The following WNT3 variants were observed in gnomAD, a reference collection of about 807,000 sequenced individuals.
WNT3 encodes the protein proto-oncogene Wnt-3.
A neutral mutation model predicts 34.2 loss-of-function variants in WNT3; 7 were observed. That is an observed-to-expected ratio of 0.20 (90% CI 0.12 to 0.38). The LOEUF (loss-of-function observed/expected upper bound fraction) is 0.38. Ranked by LOEUF, WNT3 falls within the 10% of genes least tolerant of loss-of-function variation. The pLI, the probability that WNT3 is intolerant of heterozygous loss-of-function variation, is 1.00. For missense variants in WNT3, 267 were observed against 499.8 expected, an observed-to-expected ratio of 0.53 and a Z score of 4.44; for synonymous variants, 212 against 211.5, an observed-to-expected ratio of 1.00 and a Z score of -0.02.
chr17:46,801,347 C>T (rs551690963), intron 1 of WNT3, among the ~76,000 whole-genome samples: 2 of 152,272 alleles, frequency 1.3e-5, no homozygotes, highest in African/African-American at 2.4e-5. Flanking sequence ...TGGCCGGGCA[C>T]GGTGGCTCAC....
At chr17:46,770,890 G>A (rs1346860503) in intron 2 of WNT3, among the ~76,000 whole-genome samples, 3 of 152,242 alleles carry the variant, frequency 2.0e-5, no homozygotes, top group African/African-American at 7.2e-5. Context: ...GATTAGGGAG[G>A]CCAAGGCCTG....
intron 4 of WNT3, among the ~76,000 whole-genome samples, chr17:46,766,403 T>C (rs914804012): frequency 2.0e-5 from 3 of 148,378 alleles, no homozygotes; most frequent in Admixed American, 2.0e-4. Context: ...AGAGACTCAG[T>C]CTCAAAAAAA....
intron 3 of WNT3, among the ~76,000 whole-genome samples, chr17:46,769,370 T>A (rs1188385296): frequency 6.6e-6 from 1 of 150,814 alleles, no homozygotes; most frequent in Non-Finnish European, 1.5e-5. Context: ...GTTATCTCCA[T>A]TTAACACATG....
At chr17:46,806,834 T>G (rs2084204097) in intron 1 of WNT3, among the ~76,000 whole-genome samples, 1 of 152,240 alleles carries the variant, frequency 6.6e-6, no homozygotes, top group East Asian at 1.9e-4. Context: ...CGCTCCCCTC[T>G]GCTCCTCCTT....
At chr17:46,769,738 G>C (rs2059346868) in intron 3 of WNT3, 45 bp downstream of exon 3, 4 of 1,601,132 alleles carry the variant, frequency 2.5e-6, no homozygotes, top group South Asian at 1.1e-5. Context: ...GAGGGGAAGC[G>C]GGGGGCTGCT....
intron 1 of WNT3, among the ~76,000 whole-genome samples, chr17:46,817,288 C>T (rs1006060873): frequency 1.3e-5 from 2 of 152,224 alleles, no homozygotes; most frequent in Non-Finnish European, 2.9e-5. Flanking sequence ...GGTACCGCAC[C>T]GTGGTGGCAC....
chr17:46,815,860 A>C (rs1300029975), intron 1 of WNT3, among the ~76,000 whole-genome samples: 1 of 151,772 alleles, frequency 6.6e-6, no homozygotes, highest in African/African-American at 2.4e-5. Context: ...CCCACCAAAC[A>C]CCCAAGCTCA....
At chr17:46,802,432 A>AT (rs1302964154) in intron 1 of WNT3, among the ~76,000 whole-genome samples, 10 of 151,962 alleles carry the variant, frequency 6.6e-5, no homozygotes, top group Non-Finnish European at 1.0e-4. Flanking sequence ...TGCTCGGCTA[A>AT]TTTTTTTGTA....
intron 1 of WNT3, among the ~76,000 whole-genome samples, chr17:46,780,708 C>T (rs1362929078): frequency 6.6e-6 from 1 of 151,938 alleles, no homozygotes; most frequent in African/African-American, 2.4e-5. Context: ...ACCTGGGAGG[C>T]AGAGCTTGCA....
At chr17:46,789,098 G>A (rs2083945303) in intron 1 of WNT3, among the ~76,000 whole-genome samples, 1 of 152,176 alleles carries the variant, frequency 6.6e-6, no homozygotes, top group African/African-American at 2.4e-5. Flanking sequence ...CCTTATGCTG[G>A]ACGCCGGGAG....
intron 1 of WNT3, among the ~76,000 whole-genome samples, chr17:46,806,524 C>T (rs2084199795): frequency 6.6e-6 from 1 of 152,072 alleles, no homozygotes; most frequent in South Asian, 2.1e-4. Flanking sequence ...TCAGTTTTCT[C>T]ACAGGTAACA....
At chr17:46,803,103 T>C (rs1049980587) in intron 1 of WNT3, among the ~76,000 whole-genome samples, 1 of 152,224 alleles carries the variant, frequency 6.6e-6, no homozygotes, top group African/African-American at 2.4e-5. Flanking sequence ...TAGAGGACGC[T>C]GGCTGATGTC....
chr17:46,811,926 C>T (rs956170457), intron 1 of WNT3, among the ~76,000 whole-genome samples: 2 of 152,152 alleles, frequency 1.3e-5, no homozygotes, highest in Non-Finnish European at 2.9e-5. Context: ...CACTGCACTC[C>T]AGCCTGGGCG....
chr17:46,805,157 G>A (rs2084178365), intron 1 of WNT3, among the ~76,000 whole-genome samples: 1 of 152,012 alleles, frequency 6.6e-6, no homozygotes, highest in Admixed American at 6.6e-5. Flanking sequence ...ACGAACCCTG[G>A]TCCTCAAGTG....
At chr17:46,780,612 TA>T (rs1362152735) in intron 1 of WNT3, among the ~76,000 whole-genome samples, 1 of 151,886 alleles carries the variant, frequency 6.6e-6, no homozygotes, top group Non-Finnish European at 1.5e-5. Flanking sequence ...CCGTCTCTAC[TA>T]AAAATACAAA....
intron 1 of WNT3, among the ~76,000 whole-genome samples, chr17:46,816,251 C>T (rs2084344645): frequency 6.6e-6 from 1 of 152,058 alleles, no homozygotes; most frequent in Non-Finnish European, 1.5e-5. Flanking sequence ...TTCTAGACTT[C>T]TCTCTGTCTC....
chr17:46,809,481 C>T (rs1224598352), intron 1 of WNT3, among the ~76,000 whole-genome samples: 1 of 152,206 alleles, frequency 6.6e-6, no homozygotes, highest in African/African-American at 2.4e-5. Flanking sequence ...CCAACACACA[C>T]GTACACACAC....
chr17:46,787,537 C>T (rs959880945), intron 1 of WNT3, among the ~76,000 whole-genome samples: 1 of 152,260 alleles, frequency 6.6e-6, no homozygotes, highest in African/African-American at 2.4e-5. Context: ...CCCAGGCCTG[C>T]TGACTCCCAG....
intron 1 of WNT3, among the ~76,000 whole-genome samples, chr17:46,801,743 A>G (rs554047757): frequency 1.4e-4 from 21 of 152,334 alleles, no homozygotes; most frequent in Admixed American, 7.2e-4. Context: ...GTTTAACAAA[A>G]AGGGACTTGG....
Sources: allele counts gnomAD v4.1 joint callset (sites outside exome capture counted in the v4.1 genomes callset), GRCh38; gene constraint gnomAD v4.1.1; transcripts MANE v1.5; gene names NCBI Gene and HGNC (gene_info 2026-07-23, HGNC 2026-07-21).